C2CD5: variants seen among roughly 807,000 people sequenced by gnomAD.
The protein encoded by C2CD5 is C2 domain-containing protein 5.
A neutral mutation model predicts 130.3 loss-of-function variants in C2CD5; 109 were observed. The ratio of observed to expected loss-of-function variants is 0.84; its 90% CI spans 0.72 to 0.98. C2CD5 has a LOEUF of 0.98. C2CD5 is among the 50% of genes least tolerant of loss of function. The pLI, the probability that C2CD5 is intolerant of heterozygous loss-of-function variation, is 0.00. For missense variants in C2CD5, 996 were observed against 1,261.8 expected (o/e 0.79, Z 3.19); for synonymous variants, 454 against 429.2 (o/e 1.06, Z -0.71).
At chr12:22,474,381 TA>T (rs1943524009) in intron 16 of C2CD5, among the ~76,000 whole-genome samples, 1 of 152,128 alleles carries the variant, frequency 6.6e-6, no homozygotes, top group Non-Finnish European at 1.5e-5. Context: ...GTGATTATAC[TA>T]AAAAATGTTA....
intron 26 of C2CD5, among the ~76,000 whole-genome samples, chr12:22,452,253 G>A (rs369181155): frequency 2.6e-5 from 4 of 152,048 alleles, no homozygotes; most frequent in African/African-American, 7.2e-5. Context: ...CGTTCTTTAC[G>A]ACCAGATAAT....
chr12:22,544,283 C>CGG (rs1952732174), intron 1 of C2CD5, 37 bp downstream of exon 1: 2 of 687,140 alleles, frequency 2.9e-6, no homozygotes, highest in Non-Finnish European at 4.5e-6. Flanking sequence ...GGGGCGCGCG[C>CGG]GGGCGCCCGG....
intron 22 of C2CD5, among the ~76,000 whole-genome samples, chr12:22,466,220 T>C (rs1018045409): frequency 6.6e-6 from 1 of 150,954 alleles, no homozygotes; most frequent in Non-Finnish European, 1.5e-5. Context: ...CTAGTCAATA[T>C]AAAAGGAAAT....
intron 15 of C2CD5, among the ~76,000 whole-genome samples, chr12:22,475,749 G>T (rs565398353): frequency 1.3e-5 from 2 of 151,984 alleles, no homozygotes; most frequent in Non-Finnish European, 2.9e-5. Flanking sequence ...ATGATCTATG[G>T]AGCACTTTCA....
At chr12:22,463,998 C>T (rs1177841505) in intron 22 of C2CD5, 2 of 152,206 alleles carry the variant, frequency 1.3e-5, no homozygotes, top group Non-Finnish European at 2.9e-5. Context: ...ATTAGTTATG[C>T]TTTATAAGTA....
At chr12:22,458,462 T>C (rs1253462528) in intron 24 of C2CD5, 22 bp downstream of exon 24, 3 of 1,081,272 alleles carry the variant, frequency 2.8e-6, no homozygotes, top group East Asian at 3.1e-5. Context: ...ATTATCATAA[T>C]GTGGTAGAAA....
chr12:22,522,290 T>C (rs1193615065), intron 7 of C2CD5, among the ~76,000 whole-genome samples: 1 of 152,172 alleles, frequency 6.6e-6, no homozygotes, highest in Non-Finnish European at 1.5e-5. Flanking sequence ...TATAGGGTTG[T>C]CCCTTGCTGT....
intron 12 of C2CD5, among the ~76,000 whole-genome samples, chr12:22,489,137 AAGTGCTAGGATTAC>A (rs1946006284): frequency 6.6e-6 from 1 of 151,856 alleles, no homozygotes; most frequent in South Asian, 2.1e-4. Context: ...CAGCCTCACA[AAGTGCTAGGATTAC>A]AGGCGTGAGC....
intron 25 of C2CD5, among the ~76,000 whole-genome samples, chr12:22,455,616 A>C (rs1431967114): frequency 6.6e-6 from 1 of 152,174 alleles, no homozygotes; most frequent in South Asian, 2.1e-4. Flanking sequence ...CTCTATCCAA[A>C]GGCTTTTGAG....
intron 7 of C2CD5, among the ~76,000 whole-genome samples, chr12:22,522,067 A>T (rs1950319224): frequency 6.6e-6 from 1 of 152,198 alleles, no homozygotes; most frequent in Non-Finnish European, 1.5e-5. Flanking sequence ...TTATTTGAAC[A>T]CAGTCACACT....
At chr12:22,478,723 A>C (rs1944244880) in intron 14 of C2CD5, among the ~76,000 whole-genome samples, 1 of 152,006 alleles carries the variant, frequency 6.6e-6, no homozygotes, top group Admixed American at 6.6e-5. Flanking sequence ...GTGTGTGCCC[A>C]TAATCCCTGC....
chr12:22,543,955 A>T (rs1952676196), intron 2 of C2CD5, 106 bp downstream of exon 2: 1 of 804,986 alleles, frequency 1.2e-6, no homozygotes, highest in Non-Finnish European at 2.1e-6. Flanking sequence ...GGCCGAAGGG[A>T]GGGCAGTCGA....
intron 7 of C2CD5, among the ~76,000 whole-genome samples, chr12:22,522,608 GA>G (rs1012776004): frequency 2.0e-5 from 3 of 152,112 alleles, no homozygotes; most frequent in Non-Finnish European, 4.4e-5. Context: ...GCCTTTCCCA[GA>G]AAAAGTTTGC....
At chr12:22,543,181 C>G (rs1952568898) in intron 2 of C2CD5, among the ~76,000 whole-genome samples, 1 of 152,188 alleles carries the variant, frequency 6.6e-6, no homozygotes, top group Non-Finnish European at 1.5e-5. Flanking sequence ...GCACTAATAG[C>G]CCAAATGATT....
At chr12:22,531,731 C>T (rs1424925427) in intron 3 of C2CD5, among the ~76,000 whole-genome samples, 1 of 152,118 alleles carries the variant, frequency 6.6e-6, no homozygotes, top group Admixed American at 6.5e-5. Flanking sequence ...TGAGACACAG[C>T]CAAGCTACTC....
intron 10 of C2CD5, among the ~76,000 whole-genome samples, chr12:22,497,378 T>A (rs906482718): frequency 6.6e-6 from 1 of 151,964 alleles, no homozygotes; most frequent in Non-Finnish European, 1.5e-5. Context: ...ATTCTATGCA[T>A]GTAACAAAAT....
intron 20 of C2CD5, 79 bp downstream of exon 20, chr12:22,471,320 G>A (rs1012216300): frequency 7.4e-5 from 60 of 806,870 alleles, no homozygotes; most frequent in Admixed American, 1.1e-4. Context: ...ATTTAATTAC[G>A]GCAAAATTAT....
At chr12:22,482,990 T>A (rs2136315147) in intron 13 of C2CD5, among the ~76,000 whole-genome samples, 1 of 152,238 alleles carries the variant, frequency 6.6e-6, no homozygotes, top group South Asian at 2.1e-4. Context: ...CACAACAGGG[T>A]ATCTACAGTC....
At chr12:22,509,746 G>A (rs899397094) in intron 9 of C2CD5, among the ~76,000 whole-genome samples, 1 of 152,136 alleles carries the variant, frequency 6.6e-6, no homozygotes, top group African/African-American at 2.4e-5. Context: ...TATGAGGGAA[G>A]TACTATTATC....
Sources: allele counts gnomAD v4.1 joint callset (sites outside exome capture counted in the v4.1 genomes callset), GRCh38; gene constraint gnomAD v4.1.1; transcripts MANE v1.5; gene names NCBI Gene and HGNC (gene_info 2026-07-23, HGNC 2026-07-21).